The following GCSAML variants were observed in gnomAD, a reference collection of about 807,000 sequenced individuals.
GCSAML encodes the protein germinal center associated signaling and motility like.
In GCSAML, 9 loss-of-function variants were observed where a neutral mutation model predicts 13.0. The observed-to-expected ratio is 0.69, with a 90% confidence interval of 0.42 to 1.21. The LOEUF is 1.21. Among genes scored for constraint, GCSAML ranks in the 50% most tolerant of loss-of-function variants. The pLI is 0.00. For synonymous variants in GCSAML, 37 were observed against 52.9 expected (o/e 0.70, Z 1.31); for missense variants, 143 against 153.4 (o/e 0.93, Z 0.36).
intron 1 of GCSAML, among the ~76,000 whole-genome samples, chr1:247,521,215 A>G (rs1666404537): frequency 6.6e-6 from 1 of 151,710 alleles, no homozygotes; most frequent in South Asian, 2.1e-4. Context: ...AATCCACTCA[A>G]TTTTTATATA....
At chr1:247,542,547 C>G (rs961819164) in intron 2 of GCSAML, among the ~76,000 whole-genome samples, 6 of 152,146 alleles carry the variant, frequency 3.9e-5, no homozygotes, top group Non-Finnish European at 7.3e-5. Flanking sequence ...GAATTGCTCT[C>G]TAGGTTTTGG....
At chr1:247,512,560 G>A (rs1419277371) in intron 1 of GCSAML, among the ~76,000 whole-genome samples, 1 of 152,084 alleles carries the variant, frequency 6.6e-6, no homozygotes, top group African/African-American at 2.4e-5. Context: ...TGCTGGTGAG[G>A]TGTTGTGATC....
chr1:247,560,698 A>C lies in GCSAML; in HGVS notation c.90-2892A>C, dbSNP rs149307203. On this transcript the variant is annotated intron_variant, in intron 2 of 4. Coordinates refer to ENST00000366488, the MANE Select transcript of GCSAML (RefSeq NM_145278.5). The stretch of plus-strand genomic sequence containing the variant: ...ATGTATATACGGTGAAGTGATTACC[A>C]CTATAAGTACATTAACAACTTAATA... Among the ~76,000 whole-genome samples, 1,439 of 152,302 alleles carry C rather than the reference A, an allele frequency of 9.4e-3. 23 individuals carry two copies. The highest frequency in any genetic ancestry group is 0.034 in the African/African-American group (1,393 of 41,568).
chr1:247,532,052 G>C lies in GCSAML; in HGVS notation c.-148+4998G>C, dbSNP rs1477636748. On this transcript the variant is annotated intron_variant, in intron 2 of 5. Coordinates refer to the GCSAML transcript ENST00000366489. ...GTGGAGCCCACCATGCTGGTGGTCA[G>C]ACCCCCCAGCCAGGAGGCCAAAGCT... is the stretch of plus-strand genomic sequence containing the variant. 2 of 1,614,066 alleles carry C rather than the reference G, an allele frequency of 1.2e-6. No homozygotes were observed. The highest frequency in any genetic ancestry group is 3.3e-5 in the Admixed American group (2 of 60,010).
At chr1:247,532,098 A>C (rs1038049388) in intron 2 of GCSAML, 1 of 1,614,120 alleles carries the variant, frequency 6.2e-7, no homozygotes, top group East Asian at 2.2e-5. Flanking sequence ...AAAGCTGTGG[A>C]TGCATAATGA....
chr1:247,547,638 G>C (rs761539370), upstream of GCSAML, among the ~76,000 whole-genome samples: 1 of 152,222 alleles, frequency 6.6e-6, no homozygotes, highest in African/African-American at 2.4e-5. Context: ...GTTTTAGGTG[G>C]ATCTTGAGAG....
intron 2 of GCSAML, chr1:247,530,465 T>C (rs935551986): frequency 6.6e-6 from 1 of 151,374 alleles, no homozygotes; most frequent in Non-Finnish European, 1.5e-5. Context: ...TAGAGCTCTC[T>C]GCACCTCCCT....
At chr1:247,551,846 G>A (rs547657484) in intron 1 of GCSAML, among the ~76,000 whole-genome samples, 1 of 152,322 alleles carries the variant, frequency 6.6e-6, no homozygotes, top group South Asian at 2.1e-4. Context: ...AGACAGAGTG[G>A]AAAATCCCAG....
chr1:247,533,549 C>G (rs953431781), intron 2 of GCSAML: 2 of 152,204 alleles, frequency 1.3e-5, no homozygotes, highest in African/African-American at 4.8e-5. Flanking sequence ...CCAGAGAGGT[C>G]TTATTGCATA....
intron 2 of GCSAML, chr1:247,531,643 A>G: frequency 1.2e-6 from 2 of 1,614,156 alleles, no homozygotes; most frequent in Non-Finnish European, 8.5e-7. Flanking sequence ...CAGGGTGTAA[A>G]TAAGTGGGTT....
intron 2 of GCSAML, among the ~76,000 whole-genome samples, chr1:247,543,545 G>T (rs1667475221): frequency 6.6e-6 from 1 of 152,104 alleles, no homozygotes; most frequent in African/African-American, 2.4e-5. Flanking sequence ...GGATAAGGCG[G>T]AACACTGTAT....
intron 2 of GCSAML, chr1:247,531,918 C>T: frequency 6.2e-7 from 1 of 1,614,200 alleles, no homozygotes; most frequent in Non-Finnish European, 8.5e-7. Flanking sequence ...GGTACATCTC[C>T]ATCTCATTGA....
chr1:247,538,537 G>A (rs1667300734), intron 2 of GCSAML: 2 of 325,844 alleles, frequency 6.1e-6, no homozygotes, highest in African/African-American at 4.4e-5. Context: ...AGGCCCTTAA[G>A]GGGATAATTA....
At chr1:247,517,932 G>A (rs1666270858) in intron 1 of GCSAML, among the ~76,000 whole-genome samples, 1 of 152,192 alleles carries the variant, frequency 6.6e-6, no homozygotes, top group Non-Finnish European at 1.5e-5. Context: ...CAAAGCTGGA[G>A]ACGGTCCCGT....
chr1:247,546,280 C>T (rs1477575050), upstream of GCSAML, among the ~76,000 whole-genome samples: 2 of 152,186 alleles, frequency 1.3e-5, no homozygotes, highest in African/African-American at 4.8e-5. Flanking sequence ...TCAAGCAATC[C>T]TCCTGCTTCA....
intron 1 of GCSAML, among the ~76,000 whole-genome samples, chr1:247,554,764 CAT>C (rs1667896998): frequency 6.6e-6 from 1 of 152,050 alleles, no homozygotes; most frequent in Admixed American, 6.5e-5. Context: ...TTGGAGAAAT[CAT>C]GTGCAAATTG....
At chr1:247,532,539 A>T (rs1162307083) in intron 2 of GCSAML, 1 of 1,602,976 alleles carries the variant, frequency 6.2e-7, no homozygotes, top group East Asian at 2.2e-5. Flanking sequence ...GCAAAAGGCC[A>T]CCTGTGGGAA....
intron 2 of GCSAML, chr1:247,530,871 T>TGTTTCCTCCCCGCTTACCGCCGCCAC (rs1666913093): frequency 6.6e-6 from 1 of 151,686 alleles, no homozygotes; most frequent in Non-Finnish European, 1.5e-5. Flanking sequence ...GGCGGCGCCA[T>TGTTTCCTCCCCGCTTACCGCCGCCAC]GTTTCCTCCC....
chr1:247,521,730 C>A (rs1233100934), intron 1 of GCSAML, among the ~76,000 whole-genome samples: 1 of 152,100 alleles, frequency 6.6e-6, no homozygotes, highest in Non-Finnish European at 1.5e-5. Context: ...CAGCTCGCTA[C>A]AACCTCCACC....
Sources: allele counts gnomAD v4.1 joint callset (sites outside exome capture counted in the v4.1 genomes callset), GRCh38; gene constraint gnomAD v4.1.1; transcripts MANE v1.5; gene names NCBI Gene and HGNC (gene_info 2026-07-23, HGNC 2026-07-21).